The following BABAM2 variants were observed in gnomAD, a reference collection of about 807,000 sequenced individuals.
The protein encoded by BABAM2 is BRISC and BRCA1 A complex member 2, also known as BRISC and BRCA1-A complex member 2.
BABAM2 carries 31 observed loss-of-function variants against 54.7 expected under a neutral mutation model. That is an observed-to-expected ratio of 0.57 (90% CI 0.43 to 0.77). BABAM2 has a LOEUF of 0.77. Among genes scored for constraint, BABAM2 ranks in the 30% least tolerant of loss-of-function variants. The pLI, the probability that BABAM2 is intolerant of heterozygous loss-of-function variation, is 0.00. For missense variants in BABAM2, 364 were observed against 455.8 expected, an observed-to-expected ratio of 0.80 and a Z score of 1.83; for synonymous variants, 167 against 162.9, an observed-to-expected ratio of 1.03 and a Z score of -0.19.
At chr2:27,929,269 C>T (rs1394144868) in intron 2 of BABAM2, among the ~76,000 whole-genome samples, 2 of 152,026 alleles carry the variant, frequency 1.3e-5, no homozygotes, top group African/African-American at 4.8e-5. Context: ...ATAACTACCC[C>T]CCACCTTTTA....
At chr2:27,944,760 T>C (rs1669174580) in intron 3 of BABAM2, among the ~76,000 whole-genome samples, 2 of 152,216 alleles carry the variant, frequency 1.3e-5, no homozygotes, top group African/African-American at 4.8e-5. Flanking sequence ...AGTATTACTG[T>C]GTTGTTAGCT....
At chr2:28,046,148 C>T (rs964498422) in intron 6 of BABAM2, among the ~76,000 whole-genome samples, 3 of 152,186 alleles carry the variant, frequency 2.0e-5, no homozygotes, top group African/African-American at 7.2e-5. Context: ...ACACCCTAGC[C>T]ACTGCCTTCG....
At chr2:28,009,599 A>G (rs1440030238) in intron 4 of BABAM2, among the ~76,000 whole-genome samples, 1 of 152,008 alleles carries the variant, frequency 6.6e-6, no homozygotes, top group Non-Finnish European at 1.5e-5. Context: ...GGCTGTTTGG[A>G]TGGTACCATT....
intron 6 of BABAM2, among the ~76,000 whole-genome samples, chr2:28,106,446 A>C (rs6737205): frequency 0.07 from 10,607 of 152,234 alleles, 431 homozygotes; most frequent in East Asian, 0.16. Context: ...TAGTTGTTTC[A>C]CTAGTGTGTA....
chr2:28,016,785 A>C (rs1415385858), intron 4 of BABAM2, among the ~76,000 whole-genome samples: 1 of 152,194 alleles, frequency 6.6e-6, no homozygotes, highest in African/African-American at 2.4e-5. Context: ...AGTGTGCTAC[A>C]ATTTGTAGTG....
chr2:27,920,492 T>A (rs987097439), intron 2 of BABAM2, among the ~76,000 whole-genome samples: 5 of 152,224 alleles, frequency 3.3e-5, no homozygotes, highest in Admixed American at 2.6e-4. Flanking sequence ...TTCTAAAAGA[T>A]GAAAATGTAG....
intron 7 of BABAM2, among the ~76,000 whole-genome samples, chr2:28,200,850 C>T (rs1678189661): frequency 1.3e-5 from 2 of 152,118 alleles, no homozygotes; most frequent in South Asian, 4.1e-4. Flanking sequence ...CCCACTGCAA[C>T]CTCTGCCTCC....
At chr2:27,926,416 T>C (rs1449708931) in intron 2 of BABAM2, among the ~76,000 whole-genome samples, 1 of 152,194 alleles carries the variant, frequency 6.6e-6, no homozygotes, top group African/African-American at 2.4e-5. Flanking sequence ...CTTCACACCT[T>C]TGCACCAGCT....
At chr2:27,905,236 A>G (rs149171776) in intron 2 of BABAM2, among the ~76,000 whole-genome samples, 41 of 152,290 alleles carry the variant, frequency 2.7e-4, no homozygotes, top group African/African-American at 9.9e-4. Context: ...GGGGAGGGTC[A>G]GGTGTGGGCA....
At chr2:28,130,070 G>T (rs866688389) in intron 7 of BABAM2, among the ~76,000 whole-genome samples, 1 of 152,188 alleles carries the variant, frequency 6.6e-6, no homozygotes, top group African/African-American at 2.4e-5. Flanking sequence ...ATTGAAAATG[G>T]ATTATAAGCA....
intron 2 of BABAM2, among the ~76,000 whole-genome samples, chr2:27,900,820 T>G (rs1319754053): frequency 3.9e-5 from 6 of 152,082 alleles, no homozygotes; most frequent in South Asian, 2.1e-4. Flanking sequence ...GAGGCGGGCA[T>G]ATCACAAGGT....
chr2:28,227,132 G>C (rs563692487), intron 7 of BABAM2, among the ~76,000 whole-genome samples: 1 of 152,064 alleles, frequency 6.6e-6, no homozygotes, highest in East Asian at 1.9e-4. Context: ...CAATCTCAAA[G>C]CCCAGATTTT....
chr2:28,085,339 G>A (rs1051737818), intron 6 of BABAM2, among the ~76,000 whole-genome samples: 37 of 152,274 alleles, frequency 2.4e-4, no homozygotes, highest in Admixed American at 8.5e-4. Context: ...AAAACATGAA[G>A]GCATTGCACA....
chr2:28,047,378 T>G (rs1402997412), intron 6 of BABAM2, among the ~76,000 whole-genome samples: 8 of 152,226 alleles, frequency 5.3e-5, no homozygotes, highest in Admixed American at 5.2e-4. Context: ...TTTCAGCTCA[T>G]TTAGAGGCAA....
chr2:27,922,448 T>G (rs188904237), intron 2 of BABAM2, among the ~76,000 whole-genome samples: 4 of 152,350 alleles, frequency 2.6e-5, no homozygotes, highest in African/African-American at 9.6e-5. Flanking sequence ...ATTGCGTCAA[T>G]GATTAACTGC....
In BABAM2 at chr2:28,237,268, C is replaced by T. The variant is rs200441683; in HGVS notation, c.747C>T (p.Tyr249=). 81 of 1,613,806 alleles carry T rather than the reference C, an allele frequency of 5.0e-5. No homozygotes were observed. The East Asian group carries it at 1.2e-3, about 23-fold the overall frequency. The change falls in exon 8 of 12, where the codon TAC becomes TAT. Residue 249 remains tyrosine (Y), a synonymous_variant. Transcript: ENST00000379624. ...CAGGAGGAGGATGTCTCATTGATTA[C>T]GTTCCTCAAGTATGCCACCTGCTCA... The part of the protein sequence containing the change: ...AFPGGGCLID[Y]VPQVCHLLTN...
chr2:27,940,334 C>T (rs1037505669), intron 3 of BABAM2, among the ~76,000 whole-genome samples: 9 of 152,094 alleles, frequency 5.9e-5, no homozygotes, highest in African/African-American at 2.2e-4. Context: ...GAAATTATTC[C>T]ATTTGTGTTT....
At chr2:27,912,116 C>A (rs895223105) in intron 2 of BABAM2, among the ~76,000 whole-genome samples, 22 of 152,194 alleles carry the variant, frequency 1.4e-4, no homozygotes, top group African/African-American at 4.8e-4. Flanking sequence ...GGAAAGAATG[C>A]TGAACAATTA....
At chr2:28,327,916 A>G (rs530494455) in intron 11 of BABAM2, among the ~76,000 whole-genome samples, 1 of 152,204 alleles carries the variant, frequency 6.6e-6, no homozygotes, top group African/African-American at 2.4e-5. Context: ...GACTGTGTAC[A>G]TGAACCAGTT....
Sources: gnomAD v4.1 joint callset for allele counts (sites outside exome capture counted in the v4.1 genomes callset) on GRCh38, gnomAD v4.1.1 for gene constraint, MANE v1.5 for transcripts, NCBI Gene and HGNC (gene_info 2026-07-23, HGNC 2026-07-21) for gene names.